UGT1A8: variants seen among roughly 807,000 people sequenced by gnomAD.
UGT1A8 encodes UDP glucuronosyltransferase family 1 member A8, also known as UDP-glucuronosyltransferase 1A8.
In UGT1A8, 39 loss-of-function variants were observed where a neutral mutation model predicts 45.3. The ratio of observed to expected loss-of-function variants is 0.86; its 90% CI spans 0.67 to 1.12. UGT1A8 has a LOEUF of 1.12. Ranked by LOEUF, UGT1A8 falls within the 50% of genes most tolerant of loss-of-function variation. The pLI is 0.00. For synonymous variants in UGT1A8, 275 were observed against 249.2 expected, an observed-to-expected ratio of 1.10 and a Z score of -0.97; for missense variants, 719 against 664.9, an observed-to-expected ratio of 1.08 and a Z score of -0.90.
intron 1 of UGT1A8, among the ~76,000 whole-genome samples, chr2:233,700,073 G>A (rs2075542288): frequency 6.6e-6 from 1 of 152,184 alleles, no homozygotes; most frequent in African/African-American, 2.4e-5. Context: ...TGTCTACCCA[G>A]CAAGGCCCCC....
intron 1 of UGT1A8, among the ~76,000 whole-genome samples, chr2:233,709,993 T>G (rs2076102141): frequency 6.6e-6 from 1 of 152,226 alleles, no homozygotes; most frequent in African/African-American, 2.4e-5. Context: ...CTGAATGGAA[T>G]CATACAATTA....
intron 1 of UGT1A8, among the ~76,000 whole-genome samples, chr2:233,706,094 T>TA (rs141668784): frequency 0.11 from 16,459 of 151,402 alleles, 1,013 homozygotes; most frequent in South Asian, 0.2. Flanking sequence ...GATTCTGTCT[T>TA]AAAAAAAAAC....
intron 1 of UGT1A8, chr2:233,718,866 C>A: frequency 4.3e-6 from 7 of 1,613,892 alleles, no homozygotes; most frequent in Non-Finnish European, 5.9e-6. Context: ...GGCCACAGGA[C>A]TGCTGCTCCT....
At chr2:233,758,140 G>C (rs572849917) in intron 1 of UGT1A8, among the ~76,000 whole-genome samples, 1 of 152,156 alleles carries the variant, frequency 6.6e-6, no homozygotes, top group African/African-American at 2.4e-5. Context: ...GGCAGATGAG[G>C]GAATTAGCAA....
In UGT1A8 at chr2:233,743,994, T is replaced by C. The variant is rs60469444; in HGVS notation, c.856-23040T>C. 7.2e-6 allele frequency: 9 copies of C among 1,253,056 alleles called. No individual in the cohort carries two copies. The East Asian group carries it at 2.0e-4, about 28-fold the overall frequency. 77.6% of individuals were successfully genotyped at this position (1,253,056 alleles called of 1,614,324 possible). On this transcript the variant is annotated intron_variant, in intron 1 of 4. Coordinates refer to ENST00000373450, the MANE Select transcript of UGT1A8 (RefSeq NM_019076.5). The stretch of plus-strand genomic sequence containing the variant: ...GCCAGCACCCAGGCGCAGGCCCGAG[T>C]GCTCGGAGACCTGGGCCGCCTGGAG...
At chr2:233,665,054 T>G (rs2074044396) in intron 1 of UGT1A8, among the ~76,000 whole-genome samples, 1 of 152,228 alleles carries the variant, frequency 6.6e-6, no homozygotes, top group Non-Finnish European at 1.5e-5. Context: ...TTTTTTGAAA[T>G]TATTTTATGC....
chr2:233,725,566 C>A (rs559123427), intron 1 of UGT1A8, among the ~76,000 whole-genome samples: 1 of 152,004 alleles, frequency 6.6e-6, no homozygotes, highest in East Asian at 1.9e-4. Flanking sequence ...AACATATATT[C>A]GATATAAGAT....
At chr2:233,656,491 T>C (rs1291657608) in intron 1 of UGT1A8, among the ~76,000 whole-genome samples, 4 of 152,220 alleles carry the variant, frequency 2.6e-5, no homozygotes, top group Non-Finnish European at 5.9e-5. Flanking sequence ...CTGTGCTTAT[T>C]TAGCTGCTAG....
intron 4 of UGT1A8, among the ~76,000 whole-genome samples, chr2:233,768,799 G>C (rs1295681406): frequency 6.6e-6 from 1 of 151,984 alleles, no homozygotes; most frequent in Admixed American, 6.6e-5. Flanking sequence ...TGTCAGGCTG[G>C]TCTTGAACTC....
rs34354669 is a variant in UGT1A8 at position 233,668,059 on chromosome 2, AT to A, written c.855+49506del. On this transcript the variant is annotated intron_variant, in intron 1 of 4. Transcript: ENST00000373450. ...TGCTAAATGTTAGTTTACTGTGCAC[AT>A]TTTTTTTTATTATACTTTAAGTTCT... is the stretch of plus-strand genomic sequence containing the variant. Among the ~76,000 whole-genome samples the A allele has an allele frequency of 4.6e-5, 7 of 151,370 alleles. 1 individual carries two copies. The highest frequency in any genetic ancestry group is 2.1e-4 in the South Asian group (1 of 4,792).
chr2:233,765,570 C>A (rs371639452), intron 1 of UGT1A8, among the ~76,000 whole-genome samples: 1 of 151,792 alleles, frequency 6.6e-6, no homozygotes, highest in Non-Finnish European at 1.5e-5. Flanking sequence ...AATGCGTAGA[C>A]GCAGGGAGGG....
At chr2:233,642,903 T>G (rs1014485643) in intron 1 of UGT1A8, among the ~76,000 whole-genome samples, 2 of 152,168 alleles carry the variant, frequency 1.3e-5, no homozygotes, top group African/African-American at 4.8e-5. Context: ...TCTCTCTCTC[T>G]CTGTCTCTCT....
In UGT1A8 at chr2:233,747,891, C is replaced by T. The variant is rs562741642; in HGVS notation, c.856-19143C>T. 6 of 1,613,060 alleles carry T rather than the reference C, an allele frequency of 3.7e-6. No homozygotes were observed. In the Admixed American group the frequency reaches 5.0e-5, roughly 13 times the overall value. On this transcript the variant is annotated intron_variant, in intron 1 of 4. Coordinates refer to ENST00000373450, the MANE Select transcript of UGT1A8 (RefSeq NM_019076.5). ...GGCCCTGTCCTACCTTTGCCATGCT[C>T]TTTCTGCTCCTTATGCAAGCCTTGC...
At chr2:233,708,956 T>A (rs1167417954) in intron 1 of UGT1A8, among the ~76,000 whole-genome samples, 1 of 152,154 alleles carries the variant, frequency 6.6e-6, no homozygotes, top group East Asian at 1.9e-4. Flanking sequence ...CATTTATATG[T>A]TTCCATTTCT....
intron 1 of UGT1A8, among the ~76,000 whole-genome samples, chr2:233,675,321 T>C (rs746332886): frequency 2.0e-5 from 3 of 152,174 alleles, no homozygotes; most frequent in Non-Finnish European, 4.4e-5. Flanking sequence ...TGTTGATTAA[T>C]GATGTGTAAA....
chr2:233,648,116 C>T, intron 1 of UGT1A8: 2 of 1,420,290 alleles, frequency 1.4e-6, no homozygotes, highest in Non-Finnish European at 1.9e-6. Context: ...ATGGCTTTTG[C>T]CAATGCTCAA....
intron 1 of UGT1A8, chr2:233,637,133 A>C: frequency 6.2e-7 from 1 of 1,613,978 alleles, no homozygotes; most frequent in Non-Finnish European, 8.5e-7. Context: ...ATGACTTTCA[A>C]GGAGAGAGTA....
chr2:233,698,051 C>G (rs902797385), intron 1 of UGT1A8, among the ~76,000 whole-genome samples: 1 of 152,112 alleles, frequency 6.6e-6, no homozygotes, highest in Non-Finnish European at 1.5e-5. Context: ...AAGTTGTACT[C>G]AGTTATATTG....
intron 1 of UGT1A8, among the ~76,000 whole-genome samples, chr2:233,621,081 A>C (rs1187062397): frequency 6.6e-6 from 1 of 152,180 alleles, no homozygotes; most frequent in Non-Finnish European, 1.5e-5. Flanking sequence ...GGAGAATTAC[A>C]TCCAGGGATG....
Sources: gnomAD v4.1 joint callset for allele counts (sites outside exome capture counted in the v4.1 genomes callset) on GRCh38, gnomAD v4.1.1 for gene constraint, MANE v1.5 for transcripts, NCBI Gene and HGNC (gene_info 2026-07-23, HGNC 2026-07-21) for gene names.